Variants in KCNJ16 observed in about 807,000 individuals in gnomAD.
KCNJ16 encodes potassium inwardly rectifying channel subfamily J member 16.
In KCNJ16, 15 loss-of-function variants were observed where a neutral mutation model predicts 18.5. The observed-to-expected ratio is 0.81, with a 90% CI of 0.54 to 1.25. The LOEUF is 1.25. KCNJ16 is among the 50% of genes most tolerant of loss of function. The pLI, the probability that KCNJ16 is intolerant of heterozygous loss-of-function variation, is 0.00. For missense variants in KCNJ16, 523 were observed against 525.7 expected, an observed-to-expected ratio of 0.99 and a Z score of 0.05; for synonymous variants, 174 against 186.5, an observed-to-expected ratio of 0.93 and a Z score of 0.55.
intron 2 of KCNJ16, among the ~76,000 whole-genome samples, chr17:70,116,190 T>G (rs2073397276): frequency 6.6e-6 from 1 of 152,184 alleles, no homozygotes; most frequent in Admixed American, 6.6e-5. Context: ...TTAAAAAATT[T>G]TATTGTATGA....
At chr17:70,119,783 C>A (rs2073558252) in intron 2 of KCNJ16, among the ~76,000 whole-genome samples, 1 of 152,200 alleles carries the variant, frequency 6.6e-6, no homozygotes, top group Non-Finnish European at 1.5e-5. Context: ...TAGAAGATTT[C>A]TAAAATTCCT....
At chr17:70,102,907 T>C (rs948980675) in intron 2 of KCNJ16, among the ~76,000 whole-genome samples, 1 of 151,986 alleles carries the variant, frequency 6.6e-6, no homozygotes, top group Non-Finnish European at 1.5e-5. Flanking sequence ...TGTTAATATC[T>C]AACACACATG....
rs761017722 is a variant in KCNJ16 at position 70,132,837 on chromosome 17, G to A, written c.750G>A (p.Pro250=). The A allele has an allele frequency of 2.0e-5, 32 of 1,613,854 alleles. No individual in the cohort carries two copies. The highest frequency in any genetic ancestry group is 2.4e-5 in the Non-Finnish European group (28 of 1,180,028). Reference sequence around the variant, plus strand: ...ACGACCAAATCATCCTGGTCACCCCGGTAACTATTGTCCATGAAATTGACC... The same window carrying A: ...ACGACCAAATCATCCTGGTCACCCCAGTAACTATTGTCCATGAAATTGACC... ...LVNDQIILVT[P]VTIVHEIDHE... The change falls in exon 4 of 4, where the codon CCG becomes CCA. Residue 250 remains proline (P), a synonymous_variant. Coordinates refer to ENST00000392671, the MANE Select transcript of KCNJ16 (RefSeq NM_170741.4).
In KCNJ16 at chr17:70,133,891, G is replaced by A. The variant is rs996083093; in HGVS notation, c.*547G>A. 1 of 167,588 alleles carries A rather than the reference G, an allele frequency of 6.0e-6. No homozygotes were observed. Among genetic ancestry groups the A allele is most frequent in the Middle Eastern group, 3.4e-3 (1 of 296 alleles). The allele number at this position is 167,588 out of a possible 1,614,324, so 10.4% of individuals were successfully genotyped here. On this transcript the variant is annotated 3_prime_UTR_variant, in exon 4 of 4. Transcript: ENST00000392671. Reference sequence around the variant, plus strand: ...TGCCACTTGGACCGTCTTGGTTTCAGCGAGCATAGCGAGTGGCTGTAAGAA... The same window carrying A: ...TGCCACTTGGACCGTCTTGGTTTCAACGAGCATAGCGAGTGGCTGTAAGAA...
chr17:70,113,521 T>A (rs1202499297), intron 2 of KCNJ16, among the ~76,000 whole-genome samples: 1 of 152,154 alleles, frequency 6.6e-6, no homozygotes, highest in African/African-American at 2.4e-5. Context: ...CTGTCATTGG[T>A]GTATTTGGCT....
chr17:70,098,604 G>T (rs1043583428), intron 1 of KCNJ16, among the ~76,000 whole-genome samples: 3 of 149,868 alleles, frequency 2.0e-5, no homozygotes, highest in Admixed American at 2.0e-4. Context: ...TGTGCATATA[G>T]ATATTATTAA....
At position 70,133,102 on chromosome 17, in the gene KCNJ16, T is replaced by C; in HGVS notation, c.1015T>C (p.Cys339Arg). The C allele has an allele frequency of 6.2e-7, 1 of 1,614,158 alleles. No individual in the cohort carries two copies. The highest frequency in any genetic ancestry group is 8.5e-7 in the Non-Finnish European group (1 of 1,180,028). ...EGSVEVYAPF[C>R]SAKQLDWKDQ... The stretch of plus-strand genomic sequence containing the variant: ...AAGTGTGGAAGTATATGCCCCCTTT[T>C]GCAGTGCCAAGCAATTGGACTGGAA... The change falls in exon 4 of 4, where the codon TGC becomes CGC. Residue 339 changes from cysteine to arginine, a missense_variant. Transcript: ENST00000392671.
At chr17:70,089,357 G>A (rs1386861949) in intron 1 of KCNJ16, among the ~76,000 whole-genome samples, 1 of 152,184 alleles carries the variant, frequency 6.6e-6, no homozygotes, top group Non-Finnish European at 1.5e-5. Context: ...ATTAATTTAA[G>A]AGTCTTGCAT....
intron 2 of KCNJ16, among the ~76,000 whole-genome samples, chr17:70,103,100 T>C (rs2072716918): frequency 1.4e-5 from 2 of 145,994 alleles, no homozygotes; most frequent in South Asian, 4.2e-4. Flanking sequence ...ATCCAGCTTA[T>C]GTATATTATA....
chr17:70,079,458 T>C (rs2071456282), intron 1 of KCNJ16, among the ~76,000 whole-genome samples: 1 of 152,180 alleles, frequency 6.6e-6, no homozygotes, highest in African/African-American at 2.4e-5. Flanking sequence ...CTGGGTACCA[T>C]AGCCTAGCCA....
Position 70,103,286 on chromosome 17 carries a change from A to ATGTGTGTGTGTGTGTGTGTG in KCNJ16, c.-191+2531_-191+2532insGTGTGTGTGTGTGTGTGTGT, listed in dbSNP as rs1555589099. Among the ~76,000 whole-genome samples the ATGTGTGTGTGTGTGTGTGTG allele has an allele frequency of 9.1e-3, 944 of 103,322 alleles. 7 individuals carry two copies. Among genetic ancestry groups the ATGTGTGTGTGTGTGTGTGTG allele is most frequent in the Non-Finnish European group, 0.013 (682 of 53,276 alleles). 67.8% of individuals were successfully genotyped at this position (103,322 alleles called of 152,430 possible). ...GTATATGTGTATATAATATGCATAT[A>ATGTGTGTGTGTGTGTGTGTG]TGTGTGTGTGTATATATATATATAT... On this transcript the variant is annotated intron_variant, in intron 2 of 3. Transcript: ENST00000392671.
chr17:70,101,351 A>C (rs1195301690), intron 2 of KCNJ16: 1 of 152,230 alleles, frequency 6.6e-6, no homozygotes, highest in African/African-American at 2.4e-5. Context: ...GATTCCGTTC[A>C]GAACAATTTA....
At chr17:70,085,074 T>C (rs914999280) in intron 1 of KCNJ16, among the ~76,000 whole-genome samples, 3 of 152,202 alleles carry the variant, frequency 2.0e-5, no homozygotes, top group Non-Finnish European at 4.4e-5. Flanking sequence ...ACTGTCACAA[T>C]GACAGGTGAG....
In KCNJ16 at chr17:70,093,948, AG is replaced by A. The variant is rs537203352; in HGVS notation, c.-299-6708del. 6.6e-3 allele frequency among the ~76,000 whole-genome samples: 996 copies of A among 152,046 alleles called. 7 individuals carry two copies. The highest frequency in any genetic ancestry group is 0.023 in the African/African-American group (941 of 41,500). On this transcript the variant is annotated intron_variant, in intron 1 of 3. Coordinates refer to ENST00000392671, the MANE Select transcript of KCNJ16 (RefSeq NM_170741.4). Reference sequence around the variant, plus strand: ...AATAGAACATGTTTCACAAGGAGTAAGGAAAAAAAAAACAAATAAAAAGGGC... The same window carrying A: ...AATAGAACATGTTTCACAAGGAGTAAGAAAAAAAAAACAAATAAAAAGGGC...
intron 1 of KCNJ16, among the ~76,000 whole-genome samples, chr17:70,084,649 T>A (rs2071713322): frequency 6.6e-6 from 1 of 152,120 alleles, no homozygotes; most frequent in South Asian, 2.1e-4. Flanking sequence ...GCTGAATGGA[T>A]AGCAACCACG....
At position 70,131,980 on chromosome 17, in the gene KCNJ16, G is replaced by C; in HGVS notation, c.-93-15G>C. On this transcript the variant is annotated splice_polypyrimidine_tract_variant and intron_variant, in intron 3 of 3. Coordinates refer to ENST00000392671, the MANE Select transcript of KCNJ16 (RefSeq NM_170741.4). Reference sequence around the variant, plus strand: ...GAAAGCTAAAAAGTGTGTTTTTGTTGTTGTTGTTTTTTAGGTTCTAACTGA... The same window carrying C: ...GAAAGCTAAAAAGTGTGTTTTTGTTCTTGTTGTTTTTTAGGTTCTAACTGA... The C allele has an allele frequency of 1.3e-6, 2 of 1,544,954 alleles. No homozygotes were observed. The highest frequency in any genetic ancestry group is 1.7e-6 in the Non-Finnish European group (2 of 1,149,224).
chr17:70,097,812 TTTC>T (rs1359131519), intron 1 of KCNJ16, among the ~76,000 whole-genome samples: 23 of 152,216 alleles, frequency 1.5e-4, no homozygotes, highest in Non-Finnish European at 2.8e-4. Context: ...TCACCTCCAT[TTTC>T]TTCTCTTTCC....
chr17:70,129,491 G>A (rs1158591111), intron 2 of KCNJ16, among the ~76,000 whole-genome samples: 1 of 152,208 alleles, frequency 6.6e-6, no homozygotes, highest in East Asian at 1.9e-4. Context: ...GGTCAGATTG[G>A]ATATGGTTTA....
chr17:70,128,984 C>G (rs954992851), intron 2 of KCNJ16: 1 of 152,282 alleles, frequency 6.6e-6, no homozygotes, highest in Non-Finnish European at 1.5e-5. Flanking sequence ...TTTCCGTCTT[C>G]AGCGGGTACG....
Sources: allele counts gnomAD v4.1 joint callset (sites outside exome capture counted in the v4.1 genomes callset), GRCh38; gene constraint gnomAD v4.1.1; transcripts MANE v1.5; gene names NCBI Gene and HGNC (gene_info 2026-07-23, HGNC 2026-07-21).